The following B4GALNT2 variants were observed in gnomAD, a reference collection of about 807,000 sequenced individuals.
B4GALNT2 encodes the protein beta-1,4-N-acetyl-galactosaminyltransferase 2 (SID blood group).
B4GALNT2 carries 42 observed loss-of-function variants against 51.1 expected under a neutral mutation model. The observed-to-expected ratio is 0.82, with a 90% CI of 0.64 to 1.06. The LOEUF is 1.06. B4GALNT2 is among the 50% of genes least tolerant of loss of function. The pLI, the probability that B4GALNT2 is intolerant of heterozygous loss-of-function variation, is 0.00. For synonymous variants in B4GALNT2, 253 were observed against 251.7 expected (o/e 1.01, Z -0.05); for missense variants, 602 against 633.6 (o/e 0.95, Z 0.54).
In B4GALNT2 at chr17:49,174,536, A is replaced by G. The variant is rs2042976302; in HGVS notation, c.*4808A>G. On this transcript the variant is annotated 3_prime_UTR_variant, in exon 11 of 11. Coordinates refer to ENST00000393354, the MANE Select transcript of B4GALNT2 (RefSeq NM_001159387.2). ...AGGCAGTCCTGGCTGCAATGTCCCC[A>G]TAGGTTGTATAACTGAATTAATGGC... 2 of 152,242 alleles carry G rather than the reference A, an allele frequency of 1.3e-5. No homozygotes were observed. The highest frequency in any genetic ancestry group is 2.1e-4 in the South Asian group (1 of 4,830). The allele number at this position is 152,242 out of a possible 1,614,324, so 9.4% of individuals were successfully genotyped here. A position where few individuals can be genotyped will look rare whatever the true frequency, so the allele number is the denominator to read the frequency against.
the B4GALNT2 span, among the ~76,000 whole-genome samples, chr17:49,124,272 G>A: frequency 2.1e-4 from 32 of 152,240 alleles, no homozygotes; most frequent in Middle Eastern, 6.8e-3. Flanking sequence ...AGTCCTGAAC[G>A]TTTTTCCTCT....
At position 49,156,616 on chromosome 17, in the gene B4GALNT2, C is replaced by T; in HGVS notation, c.498+13C>T. ...CCCCGTCTATGAGGTGAGTCCTTCT[C>T]CCAGCCCCTCTTTGCACTTGGTGTC... On this transcript the variant is annotated intron_variant, in intron 5 of 10. Coordinates refer to ENST00000393354, the MANE Select transcript of B4GALNT2 (RefSeq NM_001159387.2). 6.2e-7 allele frequency: 1 copy of T among 1,613,192 alleles called. No homozygotes were observed. Among genetic ancestry groups the T allele is most frequent in the Non-Finnish European group, 8.5e-7 (1 of 1,179,574 alleles).
upstream of B4GALNT2, among the ~76,000 whole-genome samples, chr17:49,128,079 T>C (rs978093357): frequency 9.2e-5 from 14 of 152,176 alleles, no homozygotes; most frequent in Admixed American, 2.0e-4. Context: ...GGGTGAAGGT[T>C]AGAATTATAT....
chr17:49,175,749 C>CCAG lies in B4GALNT2; in HGVS notation c.*6022_*6023insAGC, dbSNP rs2042983327. 6.6e-6 allele frequency: 1 copy of CCAG among 152,142 alleles called. No individual in the cohort carries two copies. Among genetic ancestry groups the CCAG allele is most frequent in the Non-Finnish European group, 1.5e-5 (1 of 68,044 alleles). The allele number at this position is 152,142 out of a possible 1,614,324, so 9.4% of individuals were successfully genotyped here. On this transcript the variant is annotated 3_prime_UTR_variant, in exon 11 of 11. Transcript: ENST00000393354. ...TCTCGTCTAGCTGGCTCAATTCCTG[C>CCAG]CTGAATAGAACTGAGAGCAGTCACT...
the B4GALNT2 span, among the ~76,000 whole-genome samples, chr17:49,123,403 T>A: frequency 6.6e-6 from 1 of 152,240 alleles, no homozygotes; most frequent in Non-Finnish European, 1.5e-5. Flanking sequence ...TAATTTAAAC[T>A]GTAGAAAATA....
At chr17:49,166,022 T>C (rs2042907873) in intron 8 of B4GALNT2, 92 bp from the exon 9 acceptor site, 2 of 1,421,038 alleles carry the variant, frequency 1.4e-6, no homozygotes, top group South Asian at 1.3e-5. Flanking sequence ...CTGGAGTGCA[T>C]GCAGCCTGGC....
chr17:49,141,683 T>A (rs550834838), intron 2 of B4GALNT2, among the ~76,000 whole-genome samples: 41 of 152,310 alleles, frequency 2.7e-4, no homozygotes, highest in South Asian at 1.2e-3. Flanking sequence ...AGTTTTTTTT[T>A]ATCAAAACTG....
At chr17:49,147,968 A>T (rs777414176) in intron 3 of B4GALNT2, among the ~76,000 whole-genome samples, 4 of 85,004 alleles carry the variant, frequency 4.7e-5, no homozygotes, top group African/African-American at 8.3e-5. Flanking sequence ...TTATTCAATT[A>T]TATATATATA....
At chr17:49,164,060 G>A in intron 7 of B4GALNT2, 28 bp from the exon 8 acceptor site, 1 of 1,605,296 alleles carries the variant, frequency 6.2e-7, no homozygotes, top group Non-Finnish European at 8.5e-7. Flanking sequence ...ACAGGACAGA[G>A]CTCTGACACC....
chr17:49,129,769 A>C (rs1378917124), upstream of B4GALNT2, among the ~76,000 whole-genome samples: 5 of 152,080 alleles, frequency 3.3e-5, no homozygotes, highest in African/African-American at 1.2e-4. Flanking sequence ...AGGTTATCTC[A>C]GGGCTGGCAT....
intron 7 of B4GALNT2, among the ~76,000 whole-genome samples, chr17:49,161,281 A>AG (rs969013163): frequency 2.0e-5 from 3 of 151,556 alleles, no homozygotes; most frequent in African/African-American, 7.3e-5. Context: ...TCTTGAAAAA[A>AG]AAAAAAAGAG....
chr17:49,151,690 G>T (rs368822990), intron 3 of B4GALNT2, among the ~76,000 whole-genome samples: 15 of 150,614 alleles, frequency 1.0e-4, no homozygotes, highest in African/African-American at 3.4e-4. Flanking sequence ...AGGTTGCAGT[G>T]AGCTGAGATC....
At chr17:49,152,640 C>A (rs1461018691) in intron 3 of B4GALNT2, among the ~76,000 whole-genome samples, 160 bp from the exon 4 acceptor site, 1 of 152,238 alleles carries the variant, frequency 6.6e-6, no homozygotes, top group Non-Finnish European at 1.5e-5. Flanking sequence ...CGCACTATTG[C>A]ACTCCAGCCT....
Position 49,169,544 on chromosome 17 carries a change from G to T in B4GALNT2, c.1337G>T (p.Gly446Val). ...AHSEFFIDGL[G>V]TLLVGSCPEV... Reference sequence around the variant, plus strand: ...GCAGAATTCTTCATTGATGGGCTAGGGACCCTACTCGTGGGGTCATGCCCA... The same window carrying T: ...GCAGAATTCTTCATTGATGGGCTAGTGACCCTACTCGTGGGGTCATGCCCA... Residue 446 changes from glycine (G) to valine (V), a missense_variant, in exon 11 of 11, where the codon GGG becomes GTG. By Grantham distance (109) the Gly-to-Val change is moderately radical. Coordinates refer to ENST00000393354, the MANE Select transcript of B4GALNT2 (RefSeq NM_001159387.2). 1.9e-6 allele frequency: 3 copies of T among 1,611,836 alleles called. No homozygotes were observed. Among genetic ancestry groups the T allele is most frequent in the Non-Finnish European group, 2.5e-6 (3 of 1,179,942 alleles).
intron 1 of B4GALNT2, among the ~76,000 whole-genome samples, chr17:49,135,457 A>T (rs2042581008): frequency 6.6e-6 from 1 of 150,646 alleles, no homozygotes; most frequent in South Asian, 2.1e-4. Flanking sequence ...ATGGAGTTTC[A>T]CCATGTTAGC....
intron 5 of B4GALNT2, among the ~76,000 whole-genome samples, chr17:49,158,833 C>A (rs563818463): frequency 1.1e-4 from 17 of 152,078 alleles, no homozygotes; most frequent in African/African-American, 3.9e-4. Flanking sequence ...TCCTTGGGGC[C>A]CTAGGACTTG....
At chr17:49,129,828 C>T (rs12149989), upstream of B4GALNT2, among the ~76,000 whole-genome samples, 86 of 151,978 alleles carry the variant, frequency 5.7e-4, no homozygotes, top group African/African-American at 1.8e-3. Context: ...GTTTCTGGTC[C>T]GAGATGTCAT....
At chr17:49,159,758 G>A (rs1013127117) in intron 6 of B4GALNT2, among the ~76,000 whole-genome samples, 30 of 151,942 alleles carry the variant, frequency 2.0e-4, no homozygotes, top group African/African-American at 4.8e-5. Flanking sequence ...AGAGCCACTC[G>A]AGGAGAGAAC....
chr17:49,153,910 G>A (rs1349901391), intron 4 of B4GALNT2, among the ~76,000 whole-genome samples: 1 of 152,052 alleles, frequency 6.6e-6, no homozygotes, highest in Non-Finnish European at 1.5e-5. Context: ...GGAGAGGACA[G>A]AAATCTGTGT....
Sources: gnomAD v4.1 joint callset for allele counts (sites outside exome capture counted in the v4.1 genomes callset) on GRCh38, gnomAD v4.1.1 for gene constraint, MANE v1.5 for transcripts, NCBI Gene and HGNC (gene_info 2026-07-23, HGNC 2026-07-21) for gene names.